Variants in ARID1B observed in about 807,000 individuals in gnomAD.
ARID1B encodes AT-rich interaction domain 1B, also known as AT-rich interactive domain-containing protein 1B.
Under a neutral mutation model 212.3 loss-of-function variants are expected in ARID1B, and 30 were observed. The ratio of observed to expected loss-of-function variants is 0.14; its 90% CI spans 0.11 to 0.19. The LOEUF (loss-of-function observed/expected upper bound fraction) is 0.19. ARID1B is among the 10% of genes least tolerant of loss of function. The pLI is 1.00. For synonymous variants in ARID1B, 1,402 were observed against 1,301.7 expected (o/e 1.08, Z -1.66); for missense variants, 2,891 against 3,204.0 (o/e 0.90, Z 2.36).
intron 5 of ARID1B, among the ~76,000 whole-genome samples, chr6:157,089,810 T>C (rs1472680111): frequency 6.6e-6 from 1 of 152,220 alleles, no homozygotes; most frequent in East Asian, 1.9e-4. Context: ...AGATGTAATG[T>C]CAGGTACAGT....
chr6:157,043,993 T>C (rs1460056944), intron 4 of ARID1B, among the ~76,000 whole-genome samples: 2 of 152,220 alleles, frequency 1.3e-5, no homozygotes, highest in Non-Finnish European at 2.9e-5. Flanking sequence ...GTACCAGGGA[T>C]GCAGTGGTAA....
intron 2 of ARID1B, among the ~76,000 whole-genome samples, chr6:156,855,475 T>C (rs1181220437): frequency 6.6e-6 from 1 of 152,246 alleles, no homozygotes; most frequent in Non-Finnish European, 1.5e-5. Context: ...GTGTTTCACG[T>C]GGCGGCAGAC....
chr6:156,988,109 CA>C (rs1446149550), intron 4 of ARID1B, among the ~76,000 whole-genome samples: 1 of 152,122 alleles, frequency 6.6e-6, no homozygotes, highest in African/African-American at 2.4e-5. Flanking sequence ...AGATTTGTCA[CA>C]ACTAGTTTTA....
chr6:156,891,513 A>T (rs1447815338), intron 2 of ARID1B, among the ~76,000 whole-genome samples: 1 of 152,200 alleles, frequency 6.6e-6, no homozygotes, highest in African/African-American at 2.4e-5. Flanking sequence ...ATTTTGGTAT[A>T]TATTCTTTGA....
chr6:157,132,913 C>T, intron 6 of ARID1B, 115 bp from the exon 7 acceptor site: 1 of 1,151,510 alleles, frequency 8.7e-7, no homozygotes. Context: ...TTAGGAGAAT[C>T]TTATGGTACC....
At chr6:157,192,658 ACTGT>A in intron 15 of ARID1B, among the ~76,000 whole-genome samples, 1 of 152,306 alleles carries the variant, frequency 6.6e-6, no homozygotes. Context: ...TACTTTGGTG[ACTGT>A]CTGTAATGTT....
intron 4 of ARID1B, chr6:156,985,038 C>G (rs548613150): frequency 5.3e-5 from 8 of 152,210 alleles, no homozygotes; most frequent in African/African-American, 1.9e-4. Context: ...ACTTCATTTC[C>G]AAATAAAAGT....
chr6:157,202,142 CT>C (rs1490350602), intron 18 of ARID1B, among the ~76,000 whole-genome samples: 1 of 152,198 alleles, frequency 6.6e-6, no homozygotes. Context: ...ATCCAATGCA[CT>C]GGTAGACTTG....
chr6:157,207,222 G>A lies in ARID1B; in HGVS notation c.6450G>A (p.Thr2150=), dbSNP rs753595827. The part of the protein sequence containing the change: ...LEVLRDNTLV[T]LANISGQLDL... The stretch of plus-strand genomic sequence containing the variant: ...TCTTGAGGGATAACACGTTGGTCAC[G>A]TTGGCCAACATTTCCGGGCAGCTAG... Residue 2150 remains threonine, a synonymous_variant, in exon 20 of 20, where the codon ACG becomes ACA. Coordinates refer to ENST00000636930, the MANE Select transcript of ARID1B (RefSeq NM_001374828.1). This position sits in a 1 kb window ranked among gnomAD's most constrained non-coding sequence, Gnocchi z 8.5. 80 of 1,614,070 alleles carry A rather than the reference G, an allele frequency of 5.0e-5. No homozygotes were observed. The highest frequency in any genetic ancestry group is 8.0e-5 in the African/African-American group (6 of 74,920).
At chr6:156,908,569 C>A (rs1307495876) in intron 3 of ARID1B, among the ~76,000 whole-genome samples, 1 of 151,228 alleles carries the variant, frequency 6.6e-6, no homozygotes, top group Non-Finnish European at 1.5e-5. Context: ...GCTGTTCTTC[C>A]CCCCCGCCCC....
At chr6:157,006,770 A>G (rs980707237) in intron 4 of ARID1B, among the ~76,000 whole-genome samples, 5 of 152,246 alleles carry the variant, frequency 3.3e-5, no homozygotes, top group African/African-American at 1.2e-4. Flanking sequence ...CACAGCTGCA[A>G]TTTCTAAATT....
intron 10 of ARID1B, 40 bp from the exon 11 acceptor site, chr6:157,174,807 T>A (rs773417177): frequency 3.4e-5 from 50 of 1,450,308 alleles, no homozygotes; most frequent in Non-Finnish European, 3.9e-5. Flanking sequence ...AAGTTTGCCC[T>A]ACCTTTGTCA....
chr6:157,089,309 A>T (rs1785138351), intron 5 of ARID1B, among the ~76,000 whole-genome samples: 1 of 151,182 alleles, frequency 6.6e-6, no homozygotes, highest in South Asian at 2.1e-4. Context: ...CAAATGGCTG[A>T]TTCTGTTTCT....
At chr6:157,079,987 C>T (rs1044088227) in intron 4 of ARID1B, among the ~76,000 whole-genome samples, 20 of 152,142 alleles carry the variant, frequency 1.3e-4, no homozygotes, top group Non-Finnish European at 1.0e-4. Context: ...TTAACCTGTG[C>T]TTTAAACCCA....
At chr6:156,792,858 G>GATGTC (rs1324351545) in intron 1 of ARID1B, among the ~76,000 whole-genome samples, 2 of 152,192 alleles carry the variant, frequency 1.3e-5, no homozygotes, top group African/African-American at 4.8e-5. Flanking sequence ...TAGTCCTTAG[G>GATGTC]ATGTCTGTGT....
chr6:156,808,517 T>C (rs1781340464), intron 1 of ARID1B, among the ~76,000 whole-genome samples: 3 of 152,224 alleles, frequency 2.0e-5, no homozygotes, highest in African/African-American at 7.2e-5. Flanking sequence ...CTAAAGTCAA[T>C]GCTTGTAATT....
At chr6:157,080,617 G>A (rs999311495) in intron 4 of ARID1B, among the ~76,000 whole-genome samples, 9 of 152,160 alleles carry the variant, frequency 5.9e-5, no homozygotes, top group African/African-American at 2.2e-4. Context: ...TAGAGAATCT[G>A]AACATATTCA....
At chr6:157,168,321 G>A (rs951450007) in intron 9 of ARID1B, 14 of 152,260 alleles carry the variant, frequency 9.2e-5, no homozygotes, top group Middle Eastern at 3.4e-3. Flanking sequence ...AAAAATGAAG[G>A]TTTTTAAATA....
chr6:156,973,332 C>T (rs575978028), intron 4 of ARID1B, among the ~76,000 whole-genome samples: 1 of 152,120 alleles, frequency 6.6e-6, no homozygotes, highest in African/African-American at 2.4e-5. Context: ...TGTACGCATA[C>T]GTAGTTTATA....
Sources: gnomAD v4.1 joint callset for allele counts (sites outside exome capture counted in the v4.1 genomes callset) on GRCh38, gnomAD v4.1.1 for gene constraint, Gnocchi (gnomAD v3.1) non-coding constraint, MANE v1.5 for transcripts, NCBI Gene and HGNC (gene_info 2026-07-23, HGNC 2026-07-21) for gene names.